The following EPB41L3 variants were observed in gnomAD, a reference collection of about 807,000 sequenced individuals.
The protein encoded by EPB41L3 is erythrocyte membrane protein band 4.1 like 3.
Under a neutral mutation model 127.1 loss-of-function variants are expected in EPB41L3, and 57 were observed. The ratio of observed to expected loss-of-function variants is 0.45; its 90% CI spans 0.36 to 0.56. EPB41L3 has a LOEUF of 0.56. Among genes scored for constraint, EPB41L3 ranks in the 20% least tolerant of loss-of-function variants. The probability of loss-of-function intolerance (pLI) is 0.00; values close to 1 mark genes in which losing one functional copy is unlikely to be tolerated. For synonymous variants in EPB41L3, 572 were observed against 549.5 expected (o/e 1.04, Z -0.57); for missense variants, 1,273 against 1,372.2 (o/e 0.93, Z 1.14).
chr18:5,408,913 T>G (rs2075843530), intron 14 of EPB41L3, among the ~76,000 whole-genome samples: 1 of 152,212 alleles, frequency 6.6e-6, no homozygotes, highest in Non-Finnish European at 1.5e-5. Flanking sequence ...GACTGGGGCT[T>G]TATGCCCTTG....
rs984988087 is a variant in EPB41L3 at position 5,423,643 on chromosome 18, T to C, written c.1164-90A>G. 2.1e-5 allele frequency: 25 copies of C among 1,197,098 alleles called. No homozygotes were observed. In the Admixed American group the frequency reaches 3.7e-4, roughly 18 times the overall value. 74.2% of individuals were successfully genotyped at this position (1,197,098 alleles called of 1,614,324 possible). ...CTTTTTACTCTGAGAGGTCATGTGT[T>C]TTGCATGCTAAACATTTAACGCACA... On this transcript the variant is annotated intron_variant, in intron 10 of 22. Transcript: ENST00000341928.
At chr18:5,507,767 A>C (rs1032967346) in intron 1 of EPB41L3, among the ~76,000 whole-genome samples, 4 of 152,214 alleles carry the variant, frequency 2.6e-5, no homozygotes, top group African/African-American at 9.6e-5. Flanking sequence ...GTTAAAATCA[A>C]ATGATGATTT....
intron 1 of EPB41L3, chr18:5,508,329 T>C (rs112942226): frequency 2.6e-5 from 4 of 152,230 alleles, no homozygotes; most frequent in African/African-American, 9.6e-5. Flanking sequence ...AATTTTTATA[T>C]TAACACTGTA....
At chr18:5,584,318 A>G (rs2094423827) in intron 3 of EPB41L3, among the ~76,000 whole-genome samples, 1 of 152,192 alleles carries the variant, frequency 6.6e-6, no homozygotes. Flanking sequence ...AACAGAACGT[A>G]ACCCGTCTGA....
upstream of EPB41L3, chr18:5,630,619 G>T (rs2094983400): frequency 2.2e-6 from 1 of 464,376 alleles, no homozygotes; most frequent in South Asian, 1.5e-5. Context: ...AGCTGCGGTG[G>T]CGGCACCTCC....
chr18:5,499,610 CAA>C (rs954404242), intron 1 of EPB41L3, among the ~76,000 whole-genome samples: 75 of 151,508 alleles, frequency 5.0e-4, no homozygotes, highest in African/African-American at 1.8e-3. Context: ...AAAAAAAATA[CAA>C]AAAAATTAGC....
chr18:5,484,107 A>C (rs1380428532), intron 2 of EPB41L3, among the ~76,000 whole-genome samples: 6 of 142,160 alleles, frequency 4.2e-5, no homozygotes, highest in African/African-American at 1.3e-4. Flanking sequence ...AAAAAAAAAA[A>C]AAAAAAAAAA....
At chr18:5,586,711 A>AT (rs1421964412) in intron 3 of EPB41L3, among the ~76,000 whole-genome samples, 4 of 151,504 alleles carry the variant, frequency 2.6e-5, no homozygotes, top group African/African-American at 9.7e-5. Flanking sequence ...TTATATTGTG[A>AT]TTTTCTGTGT....
At position 5,416,163 on chromosome 18, in the gene EPB41L3, G is replaced by A. The variant is rs1286054491; in HGVS notation, c.1722C>T (p.Ser574=). Residue 574 remains serine (S), a synonymous_variant, in exon 13 of 23, where the codon AGC becomes AGT. Coordinates refer to ENST00000341928, the MANE Select transcript of EPB41L3 (RefSeq NM_012307.5). ...TCCCCTTGCCAGTTTGCTGTCTGTA[G>A]CTAAAAGCCACATCTTGATCCCCTA... ...PYLGDQDVAF[S]YRQQTGKGTT... is the part of the protein sequence containing the mutation. 6.2e-7 allele frequency: 1 copy of A among 1,614,056 alleles called. No homozygotes were observed. The highest frequency in any genetic ancestry group is 1.3e-5 in the African/African-American group (1 of 75,032).
At chr18:5,487,785 A>G (rs2090014993) in intron 2 of EPB41L3, among the ~76,000 whole-genome samples, 1 of 150,792 alleles carries the variant, frequency 6.6e-6, no homozygotes, top group Admixed American at 6.6e-5. Flanking sequence ...AATAAGTATA[A>G]AATTGAAAAA....
rs573740701 is a variant in EPB41L3, at chr18:5,526,658, T to A, written c.-12+17255A>T. 2.0e-4 allele frequency among the ~76,000 whole-genome samples: 30 copies of A among 152,294 alleles called. No individual in the cohort carries two copies. In the East Asian group the frequency reaches 4.8e-3, roughly 24 times the overall value. On this transcript the variant is annotated intron_variant, in intron 1 of 22. Transcript: ENST00000341928. ...ACAGATTCTCTGACTGGAGAAAAAT[T>A]CAATTTTCAATTAAAAAAATAGAAA...
At chr18:5,528,630 C>T (rs1026687726) in intron 1 of EPB41L3, among the ~76,000 whole-genome samples, 1 of 152,162 alleles carries the variant, frequency 6.6e-6, no homozygotes, top group Non-Finnish European at 1.5e-5. Flanking sequence ...GACAGTCTCA[C>T]TCTGTCACCC....
At position 5,456,325 on chromosome 18, in the gene EPB41L3, A is replaced by G. The variant is rs149242925; in HGVS notation, c.382-11081T>C. 4.4e-3 allele frequency among the ~76,000 whole-genome samples: 665 copies of G among 152,338 alleles called. 2 individuals carry two copies. The highest frequency in any genetic ancestry group is 5.1e-3 in the Non-Finnish European group (348 of 68,038). On this transcript the variant is annotated intron_variant, in intron 3 of 22. Coordinates refer to ENST00000341928, the MANE Select transcript of EPB41L3 (RefSeq NM_012307.5). ...CCTATATTAGTAGGGCAAGGCTGAG[A>G]ATAAATAGAAAGAGAAAGAATATCA...
At chr18:5,439,454 C>T (rs371766611) in intron 5 of EPB41L3, among the ~76,000 whole-genome samples, 50 of 152,318 alleles carry the variant, frequency 3.3e-4, no homozygotes, top group African/African-American at 1.1e-3. Flanking sequence ...TACTTAGCTT[C>T]ATCAGTTTCT....
intron 11 of EPB41L3, among the ~76,000 whole-genome samples, chr18:5,422,702 C>T (rs143370027): frequency 1.9e-4 from 29 of 152,256 alleles, no homozygotes; most frequent in African/African-American, 5.8e-4. Flanking sequence ...AGAAACTGTT[C>T]GATAAAACAA....
chr18:5,475,386 T>TA (rs1312715802), intron 3 of EPB41L3, among the ~76,000 whole-genome samples: 2 of 134,728 alleles, frequency 1.5e-5, no homozygotes, highest in Non-Finnish European at 3.3e-5. Flanking sequence ...CCACATGGGT[T>TA]ACCATTAGCC....
intron 3 of EPB41L3, among the ~76,000 whole-genome samples, chr18:5,470,635 TCAAA>T: frequency 6.6e-6 from 1 of 152,306 alleles, no homozygotes; most frequent in South Asian, 2.1e-4. Flanking sequence ...TGCCATACAG[TCAAA>T]CAGACTTATG....
At chr18:5,601,664 C>T (rs1424054831) in intron 3 of EPB41L3, among the ~76,000 whole-genome samples, 2 of 152,114 alleles carry the variant, frequency 1.3e-5, no homozygotes, top group Non-Finnish European at 2.9e-5. Flanking sequence ...CTGGTTGTAT[C>T]AGGGGTGAGA....
chr18:5,408,271 TTC>T (rs1377801576), intron 14 of EPB41L3, among the ~76,000 whole-genome samples: 2 of 36,696 alleles, frequency 5.5e-5, no homozygotes, highest in East Asian at 5.2e-3. Flanking sequence ...CTTTTCTTTT[TTC>T]TTTTTTTTTT....
Sources: gnomAD v4.1 joint callset for allele counts (sites outside exome capture counted in the v4.1 genomes callset) on GRCh38, gnomAD v4.1.1 for gene constraint, MANE v1.5 for transcripts, NCBI Gene and HGNC (gene_info 2026-07-23, HGNC 2026-07-21) for gene names.